MMD2: variants seen among roughly 807,000 people sequenced by gnomAD.
The protein encoded by MMD2 is monocyte to macrophage differentiation factor 2.
In MMD2, 30 loss-of-function variants were observed where a neutral mutation model predicts 33.5. That is an observed-to-expected ratio of 0.90 (90% CI 0.67 to 1.22). The LOEUF (loss-of-function observed/expected upper bound fraction) is 1.22, where lower values mean the gene tolerates loss of function less well. Among genes scored for constraint, MMD2 ranks in the 50% most tolerant of loss-of-function variants. The pLI, the probability that MMD2 is intolerant of heterozygous loss-of-function variation, is 0.00. For synonymous variants in MMD2, 129 were observed against 123.0 expected (o/e 1.05, Z -0.32); for missense variants, 364 against 325.4 (o/e 1.12, Z -0.91).
chr7:4,894,771 C>A, the MMD2 span, among the ~76,000 whole-genome samples: 4 of 152,122 alleles, frequency 2.6e-5, no homozygotes, highest in Non-Finnish European at 5.9e-5. This position sits in a 1 kb window ranked among gnomAD's most constrained non-coding sequence, Gnocchi z 4.3. Context: ...TCTGTGAGGA[C>A]CCTGCAGCAG....
At chr7:4,902,442 C>G (rs74724179), downstream of MMD2, among the ~76,000 whole-genome samples, 29 of 152,294 alleles carry the variant, frequency 1.9e-4, no homozygotes, top group Middle Eastern at 6.8e-3. Context: ...CACCAAACCT[C>G]TCTGGGCTTT....
chr7:4,932,951 C>T (rs1484616092), intron 1 of MMD2, among the ~76,000 whole-genome samples: 1 of 151,366 alleles, frequency 6.6e-6, no homozygotes, highest in African/African-American at 2.4e-5. Flanking sequence ...TCCAAAATGT[C>T]ACCTATGTGG....
At chr7:4,944,831 G>C (rs1234461420) in intron 1 of MMD2, among the ~76,000 whole-genome samples, 1 of 121,806 alleles carries the variant, frequency 8.2e-6, no homozygotes, top group Non-Finnish European at 1.6e-5. Flanking sequence ...GAAGTGGCAC[G>C]ATCTCGGCTC....
intron 1 of MMD2, among the ~76,000 whole-genome samples, chr7:4,926,733 G>C (rs1264475036): frequency 6.6e-6 from 1 of 151,978 alleles, no homozygotes; most frequent in African/African-American, 2.4e-5. Context: ...GCAACTGGTA[G>C]TTTTCTTTTT....
At chr7:4,903,940 C>CT (rs775137042), downstream of MMD2, among the ~76,000 whole-genome samples, 165 of 151,328 alleles carry the variant, frequency 1.1e-3, no homozygotes, top group East Asian at 0.01. Context: ...CCTCCCCACC[C>CT]TTTTTTTTTG....
chr7:4,958,412 C>G (rs572652236), intron 1 of MMD2, among the ~76,000 whole-genome samples: 20 of 152,214 alleles, frequency 1.3e-4, no homozygotes, highest in African/African-American at 4.8e-4. Context: ...CTGAGGGGAC[C>G]ACGGAGTTCA....
downstream of MMD2, among the ~76,000 whole-genome samples, chr7:4,904,456 A>C (rs2115078719): frequency 6.6e-6 from 1 of 152,296 alleles, no homozygotes; most frequent in East Asian, 1.9e-4. Flanking sequence ...GCATGCCCTG[A>C]ATTGGAGTGA....
At chr7:4,945,202 T>TCTTCTTCTTCTTCTTCTC in intron 1 of MMD2, among the ~76,000 whole-genome samples, 2 of 139,310 alleles carry the variant, frequency 1.4e-5, no homozygotes, top group Non-Finnish European at 3.1e-5. Context: ...TTCTTCTTCT[T>TCTTCTTCTTCTTCTTCTC]CTTCTTCTTC....
At chr7:4,920,680 T>C (rs556656769) in intron 2 of MMD2, among the ~76,000 whole-genome samples, 22 of 124,016 alleles carry the variant, frequency 1.8e-4, no homozygotes, top group South Asian at 5.9e-4. Context: ...CCTTCCCTCC[T>C]CCCTCTCTCC....
intron 1 of MMD2, among the ~76,000 whole-genome samples, chr7:4,951,743 G>A (rs1786249192): frequency 6.6e-6 from 1 of 152,102 alleles, no homozygotes; most frequent in Non-Finnish European, 1.5e-5. Context: ...GGGACTACAG[G>A]CATGAGCCAC....
the MMD2 span, among the ~76,000 whole-genome samples, chr7:4,892,596 A>AAATAAAT: frequency 1.4e-5 from 2 of 146,242 alleles, no homozygotes; most frequent in African/African-American, 5.0e-5. Flanking sequence ...ATAAATAAAT[A>AAATAAAT]AATAAATAAA....
At chr7:4,952,560 C>T (rs908105813) in intron 1 of MMD2, among the ~76,000 whole-genome samples, 1 of 152,196 alleles carries the variant, frequency 6.6e-6, no homozygotes, top group Non-Finnish European at 1.5e-5. Flanking sequence ...GTATACCACT[C>T]TGCACGCATT....
intron 1 of MMD2, among the ~76,000 whole-genome samples, chr7:4,939,742 CTTTT>C (rs71032999): frequency 1.6e-4 from 22 of 141,882 alleles, no homozygotes; most frequent in South Asian, 4.5e-4. Context: ...TTCTTTCTTT[CTTTT>C]TTTTTTTTTT....
Position 4,907,321 on chromosome 7 carries a change from C to T in MMD2, c.*75G>A. ...AATAAAGGGAAGACAGGCCTTGGCGCTGTGCTCTGGGTTAACGTTCACAGA... is the reference window on the plus strand; with the variant it reads ...AATAAAGGGAAGACAGGCCTTGGCGTTGTGCTCTGGGTTAACGTTCACAGA... On this transcript the variant is annotated 3_prime_UTR_variant, in exon 7 of 7. Transcript: ENST00000401401. The T allele has an allele frequency of 6.9e-7, 1 of 1,459,024 alleles. No homozygotes were observed. 90.4% of individuals were successfully genotyped at this position (1,459,024 alleles called of 1,614,324 possible). A position where few individuals can be genotyped will look rare whatever the true frequency, so the allele number is the denominator to read the frequency against.
chr7:4,897,227 T>A, the MMD2 span, among the ~76,000 whole-genome samples: 25 of 117,146 alleles, frequency 2.1e-4, no homozygotes, highest in East Asian at 3.6e-3. Context: ...GTGTTATATT[T>A]AAAAAAAAAA....
intron 4 of MMD2, among the ~76,000 whole-genome samples, chr7:4,913,645 G>A (rs1785068348): frequency 6.6e-6 from 1 of 151,190 alleles, no homozygotes; most frequent in Non-Finnish European, 1.5e-5. Context: ...TTGAACCCGG[G>A]AGGCAGGGTT....
At chr7:4,901,839 A>G (rs1784799095), downstream of MMD2, among the ~76,000 whole-genome samples, 1 of 152,168 alleles carries the variant, frequency 6.6e-6, no homozygotes, top group Non-Finnish European at 1.5e-5. Context: ...AATTACATAC[A>G]TTGCTTTTCA....
At chr7:4,936,904 T>G (rs1785756678) in intron 1 of MMD2, among the ~76,000 whole-genome samples, 2 of 151,526 alleles carry the variant, frequency 1.3e-5, no homozygotes, top group Admixed American at 6.6e-5. Flanking sequence ...CTGGCTAATT[T>G]TTTTTATTTT....
At chr7:4,894,164 C>T in the MMD2 span, among the ~76,000 whole-genome samples, 4 of 152,090 alleles carry the variant, frequency 2.6e-5, no homozygotes, top group Admixed American at 6.6e-5. The surrounding 1 kb of genome is among the most constrained non-coding windows in gnomAD (Gnocchi z 4.3). Context: ...TGATGATGCA[C>T]GACCTCCAAG....
Sources: allele counts gnomAD v4.1 joint callset (sites outside exome capture counted in the v4.1 genomes callset), GRCh38; gene constraint gnomAD v4.1.1; non-coding constraint Gnocchi (gnomAD v3.1); transcripts MANE v1.5; gene names NCBI Gene and HGNC (gene_info 2026-07-23, HGNC 2026-07-21).